Variants in STXBP5 observed in about 807,000 individuals in gnomAD.
The protein encoded by STXBP5 is syntaxin-binding protein 5.
In STXBP5, 50 loss-of-function variants were observed where a neutral mutation model predicts 152.4. That is an observed-to-expected ratio of 0.33 (90% CI 0.26 to 0.42). STXBP5 has a LOEUF of 0.42. Ranked by LOEUF, STXBP5 falls within the 10% of genes least tolerant of loss-of-function variation. STXBP5 has a pLI of 1.00. For missense variants in STXBP5, 1,167 were observed against 1,388.6 expected (o/e 0.84, Z 2.54); for synonymous variants, 492 against 494.7 (o/e 0.99, Z 0.07).
At chr6:147,256,109 A>T (rs963901378) in intron 4 of STXBP5, among the ~76,000 whole-genome samples, 1 of 152,146 alleles carries the variant, frequency 6.6e-6, no homozygotes, top group Non-Finnish European at 1.5e-5. Flanking sequence ...GCTTCAATGC[A>T]GGGAATAGGA....
At chr6:147,301,304 T>C (rs578055338) in intron 9 of STXBP5, among the ~76,000 whole-genome samples, 3 of 152,286 alleles carry the variant, frequency 2.0e-5, no homozygotes, top group Non-Finnish European at 2.9e-5. Flanking sequence ...TATGCATATC[T>C]GAGGGAAATG....
chr6:147,306,377 AG>A (rs1782091520), intron 9 of STXBP5, among the ~76,000 whole-genome samples: 1 of 152,222 alleles, frequency 6.6e-6, no homozygotes, highest in African/African-American at 2.4e-5. Context: ...CAACTCTGCC[AG>A]GGTGGCTGGG....
intron 23 of STXBP5, among the ~76,000 whole-genome samples, chr6:147,360,848 A>G (rs1049705279): frequency 6.6e-6 from 1 of 152,180 alleles, no homozygotes; most frequent in Non-Finnish European, 1.5e-5. Flanking sequence ...GCCCATCCAG[A>G]TAGAAACAAC....
At chr6:147,364,385 C>G (rs1785199922) in intron 25 of STXBP5, among the ~76,000 whole-genome samples, 1 of 152,178 alleles carries the variant, frequency 6.6e-6, no homozygotes, top group Non-Finnish European at 1.5e-5. Context: ...CTTACTAATC[C>G]ATATCGGTCT....
chr6:147,375,148 C>T (rs1168606853), intron 26 of STXBP5, among the ~76,000 whole-genome samples: 1 of 152,056 alleles, frequency 6.6e-6, no homozygotes, highest in Non-Finnish European at 1.5e-5. Context: ...AGAAACCACT[C>T]ATAGATAACC....
chr6:147,273,382 A>G (rs1287628576), intron 7 of STXBP5, among the ~76,000 whole-genome samples: 8 of 152,088 alleles, frequency 5.3e-5, no homozygotes, highest in Admixed American at 5.2e-4. Flanking sequence ...AAGTATCAAT[A>G]TTCCTTTTGT....
At chr6:147,230,158 C>T (rs973601981) in intron 2 of STXBP5, among the ~76,000 whole-genome samples, 1 of 151,754 alleles carries the variant, frequency 6.6e-6, no homozygotes, top group Non-Finnish European at 1.5e-5. Flanking sequence ...GCCATTGATC[C>T]CGTATACTTT....
intron 4 of STXBP5, among the ~76,000 whole-genome samples, chr6:147,240,317 G>A (rs1778479733): frequency 6.6e-6 from 1 of 152,104 alleles, no homozygotes; most frequent in Non-Finnish European, 1.5e-5. Context: ...CACGAAATAT[G>A]AGTAAGGATA....
At chr6:147,368,714 A>G (rs892346782) in intron 25 of STXBP5, among the ~76,000 whole-genome samples, 2 of 152,192 alleles carry the variant, frequency 1.3e-5, no homozygotes, top group African/African-American at 4.8e-5. Flanking sequence ...AATCTACCAT[A>G]AAGGATACTA....
At chr6:147,209,166 T>C (rs891794805) in intron 2 of STXBP5, among the ~76,000 whole-genome samples, 4 of 152,160 alleles carry the variant, frequency 2.6e-5, no homozygotes, top group Admixed American at 2.6e-4. Context: ...TATGAATATT[T>C]CAAGGACTGA....
At chr6:147,232,457 T>A (rs979835414) in intron 2 of STXBP5, among the ~76,000 whole-genome samples, 3 of 151,820 alleles carry the variant, frequency 2.0e-5, no homozygotes, top group African/African-American at 7.2e-5. Flanking sequence ...AACTTAATTT[T>A]AAATTTTTTG....
chr6:147,252,150 A>G (rs1031589019), intron 4 of STXBP5, among the ~76,000 whole-genome samples: 2 of 152,186 alleles, frequency 1.3e-5, no homozygotes, highest in Admixed American at 1.3e-4. Flanking sequence ...CTGAAAATTC[A>G]AAAACCAAAA....
chr6:147,217,786 G>A (rs1010005525), intron 2 of STXBP5, among the ~76,000 whole-genome samples: 1 of 152,104 alleles, frequency 6.6e-6, no homozygotes, highest in African/African-American at 2.4e-5. Flanking sequence ...GCAGTTGACC[G>A]ACCTAAATTT....
intron 3 of STXBP5, among the ~76,000 whole-genome samples, chr6:147,237,420 G>A (rs189562281): frequency 2.6e-5 from 4 of 152,256 alleles, no homozygotes; most frequent in Admixed American, 1.3e-4. Context: ...ACCATAAGAA[G>A]AAGACAGCTA....
chr6:147,324,858 T>A (rs1009647416), intron 16 of STXBP5, 101 bp from the exon 17 acceptor site: 60 of 1,063,652 alleles, frequency 5.6e-5, no homozygotes, highest in Non-Finnish European at 7.0e-5. Context: ...GATTTTTATA[T>A]ATTTAAGTAT....
intron 5 of STXBP5, among the ~76,000 whole-genome samples, chr6:147,261,506 T>C (rs562956670): frequency 1.6e-3 from 242 of 152,222 alleles, no homozygotes; most frequent in Non-Finnish European, 1.6e-3. Flanking sequence ...TTGCATTCCA[T>C]GGTATTTACC....
At chr6:147,245,918 G>A (rs75530140) in intron 4 of STXBP5, among the ~76,000 whole-genome samples, 240 of 152,324 alleles carry the variant, frequency 1.6e-3, no homozygotes, top group African/African-American at 5.6e-3. Context: ...GCGCCCTGCT[G>A]ACACCTTCAT....
chr6:147,255,274 CAG>C (rs781091634), intron 4 of STXBP5, among the ~76,000 whole-genome samples: 1 of 152,138 alleles, frequency 6.6e-6, no homozygotes, highest in Non-Finnish European at 1.5e-5. Context: ...AATGAGAACA[CAG>C]AAGTGAACAT....
In STXBP5 at chr6:147,227,150, A is replaced by G. The variant is rs549821965; in HGVS notation, c.249-8100A>G. Among the ~76,000 whole-genome samples, 15 of 151,002 alleles carry G rather than the reference A, an allele frequency of 9.9e-5. 1 individual carries two copies. The highest frequency in any genetic ancestry group is 6.3e-4 in the South Asian group (3 of 4,762). ...TGGATCTAGAGAGAGATCTTGATTC[A>G]GGGTTTCTAGTATTAATGGTATAAG... On this transcript the variant is annotated intron_variant, in intron 2 of 27. Coordinates refer to ENST00000321680, the MANE Select transcript of STXBP5 (RefSeq NM_001127715.4).
Sources: allele counts gnomAD v4.1 joint callset (sites outside exome capture counted in the v4.1 genomes callset), GRCh38; gene constraint gnomAD v4.1.1; transcripts MANE v1.5; gene names NCBI Gene and HGNC (gene_info 2026-07-23, HGNC 2026-07-21).